GRAMD1B: variants seen among roughly 807,000 people sequenced by gnomAD.
The protein encoded by GRAMD1B is GRAM domain containing 1B.
A neutral mutation model predicts 99.7 loss-of-function variants in GRAMD1B; 37 were observed. That is an observed-to-expected ratio of 0.37 (90% confidence interval 0.29 to 0.49). GRAMD1B has a LOEUF of 0.49. Among genes scored for constraint, GRAMD1B ranks in the 20% least tolerant of loss-of-function variants. GRAMD1B has a pLI of 0.98. For synonymous variants in GRAMD1B, 427 were observed against 387.6 expected (o/e 1.10, Z -1.19); for missense variants, 888 against 1,009.2 (o/e 0.88, Z 1.63).
intron 2 of GRAMD1B, among the ~76,000 whole-genome samples, chr11:123,535,422 C>T (rs1943865608): frequency 6.6e-6 from 1 of 152,086 alleles, no homozygotes; most frequent in African/African-American, 2.4e-5. Flanking sequence ...AAAGCCTGTG[C>T]TCTCGACCTC....
intron 8 of GRAMD1B, among the ~76,000 whole-genome samples, chr11:123,601,515 A>ATGTG (rs4063751): frequency 2.0e-3 from 296 of 148,910 alleles, no homozygotes; most frequent in African/African-American, 5.4e-3. Flanking sequence ...ATTAATTTTT[A>ATGTG]TGTGTGTGTG....
chr11:123,622,401 G>A (rs1220136563), intron 19 of GRAMD1B, 105 bp from the exon 20 acceptor site: 17 of 695,184 alleles, frequency 2.4e-5, no homozygotes, highest in Admixed American at 8.4e-5. Context: ...GCCCCATGGC[G>A]TGGTTGGAGG....
At chr11:123,622,001 C>G (rs925864772) in intron 19 of GRAMD1B, among the ~76,000 whole-genome samples, 2 of 63,788 alleles carry the variant, frequency 3.1e-5, no homozygotes. Context: ...CTTTCTCTCT[C>G]CCTCTCCCTT....
rs62641671 is a variant in GRAMD1B, at chr11:123,613,540, G to A, written c.2109G>A (p.Thr703=). 3.4e-4 allele frequency: 548 copies of A among 1,613,690 alleles called. 2 individuals carry two copies. The African/African-American group carries it at 6.1e-3, about 18-fold the overall frequency. The change falls in exon 16 of 20, where the codon ACG becomes ACA. Residue 703 remains threonine, a synonymous_variant. Transcript: ENST00000635736. ...SPKEKASKTT[T]VRRRKRPHAH... ...AAGAGAAGGCCAGCAAGACTACAAC[G>A]GTGCGGAGGAGGAAGCGTCCCCATG...
At chr11:123,480,001 G>C (rs1451484314) in intron 1 of GRAMD1B, among the ~76,000 whole-genome samples, 1 of 152,066 alleles carries the variant, frequency 6.6e-6, no homozygotes, top group Non-Finnish European at 1.5e-5. Context: ...TCAGATGGCT[G>C]GAGTATTTAA....
intron 2 of GRAMD1B, among the ~76,000 whole-genome samples, chr11:123,527,297 T>C (rs919290699): frequency 2.0e-5 from 3 of 152,192 alleles, no homozygotes; most frequent in African/African-American, 7.2e-5. Context: ...CATTTGGCCT[T>C]CCAGGCACCC....
intron 1 of GRAMD1B, among the ~76,000 whole-genome samples, chr11:123,372,330 C>T (rs1003847835): frequency 2.0e-5 from 3 of 152,102 alleles, no homozygotes; most frequent in African/African-American, 7.2e-5. Context: ...TGTTCCTGGC[C>T]ATTTAGGAAC....
upstream of GRAMD1B, among the ~76,000 whole-genome samples, chr11:123,428,494 G>A (rs1948731431): frequency 6.6e-6 from 1 of 152,194 alleles, no homozygotes; most frequent in Non-Finnish European, 1.5e-5. Context: ...ATTTATGGGA[G>A]GGCCTGGCCT....
Position 123,613,249 on chromosome 11 carries a change from G to C in GRAMD1B, c.2024-206G>C. On this transcript the variant is annotated intron_variant, in intron 15 of 19. Coordinates refer to ENST00000635736, the MANE Select transcript of GRAMD1B (RefSeq NM_001387025.1). Reference sequence around the variant, plus strand: ...GAGGGTGCAGATATTGGGAACATATGGTTCCTTGCAATGTTGAACAACCCC... The same window carrying C: ...GAGGGTGCAGATATTGGGAACATATCGTTCCTTGCAATGTTGAACAACCCC... The C allele has an allele frequency of 5.1e-6, 3 of 586,622 alleles. No individual in the cohort carries two copies. In the Admixed American group the frequency reaches 8.9e-5, roughly 17 times the overall value. The allele number at this position is 586,622 out of a possible 1,614,324, so 36.3% of individuals were successfully genotyped here.
At position 123,552,584 on chromosome 11, in the gene GRAMD1B, C is replaced by T. The variant is rs529116981; in HGVS notation, c.453-24783C>T. 7.2e-5 allele frequency among the ~76,000 whole-genome samples: 11 copies of T among 152,174 alleles called. No homozygotes were observed. In the South Asian group the frequency reaches 2.3e-3, roughly 32 times the overall value. ...CTTTCAAAGGCAGCAATTTTCAAAA[C>T]CAAAAAGATTACAGTAAATGTAATC... On this transcript the variant is annotated intron_variant, in intron 2 of 19. Coordinates refer to ENST00000635736, the MANE Select transcript of GRAMD1B (RefSeq NM_001387025.1).
intron 1 of GRAMD1B, among the ~76,000 whole-genome samples, chr11:123,369,258 A>T (rs557284458): frequency 6.6e-6 from 1 of 152,292 alleles, no homozygotes; most frequent in South Asian, 2.1e-4. Flanking sequence ...CTATGATCAC[A>T]CCATTGCACT....
At chr11:123,614,657 T>C in intron 16 of GRAMD1B, 88 bp from the exon 17 acceptor site, 3 of 714,538 alleles carry the variant, frequency 4.2e-6, no homozygotes, top group Non-Finnish European at 7.5e-6. Context: ...CATCAGTCTC[T>C]GATGTTTGCT....
chr11:123,611,309 C>G (rs1953524948), intron 14 of GRAMD1B, among the ~76,000 whole-genome samples: 1 of 152,058 alleles, frequency 6.6e-6, no homozygotes, highest in African/African-American at 2.4e-5. Flanking sequence ...GTGGCGTGTA[C>G]TGTAGTCCCA....
rs375111429 is a variant in GRAMD1B, at chr11:123,503,377, A to G, written c.452+22484A>G. Among the ~76,000 whole-genome samples, 4 of 152,280 alleles carry G rather than the reference A, an allele frequency of 2.6e-5. No homozygotes were observed. The South Asian group carries it at 6.2e-4, about 24-fold the overall frequency. ...ATAACCAGACCAGAGCTAGCTTTGC[A>G]TTGGCACCAAGTGCAGACGGCTTGG... is the stretch of plus-strand genomic sequence containing the variant. On this transcript the variant is annotated intron_variant, in intron 2 of 19. Transcript: ENST00000635736.
chr11:123,494,061 A>T (rs554046812), intron 2 of GRAMD1B, among the ~76,000 whole-genome samples: 3 of 152,152 alleles, frequency 2.0e-5, no homozygotes, highest in Non-Finnish European at 4.4e-5. Context: ...TGTCTCCCCA[A>T]CTAGTCCCTA....
At position 123,460,776 on chromosome 11, in the gene GRAMD1B, C is replaced by T. The variant is rs73609916; in HGVS notation, c.375-20040C>T. ...TCTTTCTGGAAAACAGCACAGCTTG[C>T]GGGCTGCTTGTCCTTGAGCTCCGAG... is the stretch of plus-strand genomic sequence containing the variant. On this transcript the variant is annotated intron_variant, in intron 1 of 19. Transcript: ENST00000635736. Among the ~76,000 whole-genome samples, 1,519 of 152,262 alleles carry T rather than the reference C, an allele frequency of 1.0e-2. 28 individuals carry two copies. The highest frequency in any genetic ancestry group is 0.034 in the African/African-American group (1,395 of 41,550).
intron 2 of GRAMD1B, among the ~76,000 whole-genome samples, chr11:123,574,739 G>T (rs1225824361): frequency 6.6e-6 from 1 of 152,212 alleles, no homozygotes; most frequent in African/African-American, 2.4e-5. Context: ...CATCCACCTG[G>T]CAGCAGGTTG....
chr11:123,599,558 T>C, intron 7 of GRAMD1B: 2 of 457,376 alleles, frequency 4.4e-6, no homozygotes, highest in Non-Finnish European at 8.3e-6. Context: ...CTACAACCTC[T>C]GCCTTCTGGG....
chr11:123,480,792 T>C, intron 1 of GRAMD1B, 24 bp from the exon 2 acceptor site: 1 of 399,012 alleles, frequency 2.5e-6, no homozygotes, highest in Non-Finnish European at 4.4e-6. Flanking sequence ...AAGTTAACGG[T>C]TGATATCCTA....
Sources: gnomAD v4.1 joint callset for allele counts (sites outside exome capture counted in the v4.1 genomes callset) on GRCh38, gnomAD v4.1.1 for gene constraint, MANE v1.5 for transcripts, NCBI Gene and HGNC (gene_info 2026-07-23, HGNC 2026-07-21) for gene names.